Variants in POLR3H observed in about 807,000 individuals in gnomAD.
POLR3H encodes the protein DNA-directed RNA polymerase III subunit RPC8.
A neutral mutation model predicts 25.5 loss-of-function variants in POLR3H; 17 were observed. The ratio of observed to expected loss-of-function variants is 0.67; its 90% CI spans 0.46 to 1.00. POLR3H has a LOEUF of 1.00. Ranked by LOEUF, POLR3H falls within the 50% of genes least tolerant of loss-of-function variation. The pLI, the probability that POLR3H is intolerant of heterozygous loss-of-function variation, is 0.00. For missense variants in POLR3H, 274 were observed against 265.0 expected (o/e 1.03, Z -0.24); for synonymous variants, 129 against 103.0 (o/e 1.25, Z -1.53).
intron 2 of POLR3H, chr22:41,533,561 AG>A (rs1355393592): frequency 1.4e-5 from 18 of 1,273,736 alleles, no homozygotes; most frequent in Non-Finnish European, 1.7e-5. Context: ...TTCCTCAGAC[AG>A]GTTTAATCCC....
At position 41,526,679 on chromosome 22, in the gene POLR3H, T is replaced by A. The variant is rs947702102; in HGVS notation, c.*2604A>T. ...GGGTCCCTGCACCAGGAGGAGTTAG[T>A]GAGAGATATCTTAGGATATCTGGCC... On this transcript the variant is annotated 3_prime_UTR_variant, in exon 6 of 6. Coordinates refer to ENST00000355209, the MANE Select transcript of POLR3H (RefSeq NM_001018050.4). 1.4e-5 allele frequency: 7 copies of A among 502,114 alleles called. No individual in the cohort carries two copies. The highest frequency in any genetic ancestry group is 1.9e-5 in the African/African-American group (1 of 51,742). 31.1% of individuals were successfully genotyped at this position (502,114 alleles called of 1,614,324 possible).
Position 41,527,204 on chromosome 22 carries a change from T to G in POLR3H, c.*2079A>C. The G allele has an allele frequency of 6.3e-7, 1 of 1,597,334 alleles. No individual in the cohort carries two copies. Among genetic ancestry groups the G allele is most frequent in the Non-Finnish European group, 8.6e-7 (1 of 1,168,838 alleles). Reference sequence around the variant, plus strand: ...AGCCTCAGGATGCCCAGGCGCCAGGTGGGTGAGGCCAGGCAGGTAGGGCCA... The same window carrying G: ...AGCCTCAGGATGCCCAGGCGCCAGGGGGGTGAGGCCAGGCAGGTAGGGCCA... On this transcript the variant is annotated 3_prime_UTR_variant, in exon 6 of 6. Coordinates refer to ENST00000355209, the MANE Select transcript of POLR3H (RefSeq NM_001018050.4).
In POLR3H at chr22:41,528,987, T is replaced by A; in HGVS notation, c.*296A>T. ...GAATCCAAAACCAGTGACTGTTCTGTGAGTGATTGGTGTCTGTGCCGTTTG... is the reference window on the plus strand; with the variant it reads ...GAATCCAAAACCAGTGACTGTTCTGAGAGTGATTGGTGTCTGTGCCGTTTG... On this transcript the variant is annotated 3_prime_UTR_variant, in exon 6 of 6. Coordinates refer to ENST00000355209, the MANE Select transcript of POLR3H (RefSeq NM_001018050.4). 3.7e-6 allele frequency: 2 copies of A among 535,326 alleles called. No individual in the cohort carries two copies. Among genetic ancestry groups the A allele is most frequent in the Non-Finnish European group, 6.6e-6 (2 of 303,640 alleles). 33.2% of individuals were successfully genotyped at this position (535,326 alleles called of 1,614,324 possible).
Position 41,528,875 on chromosome 22 carries a change from C to T in POLR3H, c.*408G>A, listed in dbSNP as rs1209426279. 3 of 527,882 alleles carry T rather than the reference C, an allele frequency of 5.7e-6. No homozygotes were observed. Among genetic ancestry groups the T allele is most frequent in the Non-Finnish European group, 6.6e-6 (2 of 301,084 alleles). The allele number at this position is 527,882 out of a possible 1,614,324, so 32.7% of individuals were successfully genotyped here. A position where few individuals can be genotyped will look rare whatever the true frequency, so the allele number is the denominator to read the frequency against. ...ACTGTATTTATTTTTGATGACAAGA[C>T]TCCCATCTAAAGTTTTTCTCCTGCC... is the stretch of plus-strand genomic sequence containing the variant. On this transcript the variant is annotated 3_prime_UTR_variant, in exon 6 of 6. Coordinates refer to ENST00000355209, the MANE Select transcript of POLR3H (RefSeq NM_001018050.4).
intron 2 of POLR3H, among the ~76,000 whole-genome samples, chr22:41,535,522 A>G (rs2066826882): frequency 6.6e-6 from 1 of 152,258 alleles, no homozygotes. Context: ...ATGAGTCTAA[A>G]GGACCATCAA....
Position 41,527,461 on chromosome 22 carries a change from C to G in POLR3H, c.*1822G>C, listed in dbSNP as rs751129585. On this transcript the variant is annotated 3_prime_UTR_variant, in exon 6 of 6. Transcript: ENST00000355209. ...TACCCAGGCCATCCTCATCCCATCC[C>G]TAGTGATCAAGGTCACTCTCCCTGC... 13 of 1,573,702 alleles carry G rather than the reference C, an allele frequency of 8.3e-6. No homozygotes were observed. Among genetic ancestry groups the G allele is most frequent in the Non-Finnish European group, 1.1e-5 (13 of 1,160,510 alleles).
Position 41,527,651 on chromosome 22 carries a change from G to C in POLR3H, c.*1632C>G. ...TGTAGATCTGAGCCGCTGAGATCTA[G>C]GACATGTGCCAGGGGGTTCTTTCTG... is the stretch of plus-strand genomic sequence containing the variant. On this transcript the variant is annotated 3_prime_UTR_variant, in exon 6 of 6. Transcript: ENST00000355209. The C allele has an allele frequency of 1.3e-6, 1 of 791,420 alleles. No individual in the cohort carries two copies. The highest frequency in any genetic ancestry group is 1.8e-5 in the South Asian group (1 of 54,292). 49.0% of individuals were successfully genotyped at this position (791,420 alleles called of 1,614,324 possible). A position where few individuals can be genotyped will look rare whatever the true frequency, so the allele number is the denominator to read the frequency against.
chr22:41,543,923 G>T, intron 1 of POLR3H, 68 bp downstream of exon 1: 1 of 1,133,662 alleles, frequency 8.8e-7, no homozygotes, highest in Non-Finnish European at 1.3e-6. Context: ...CCGAGGCCGG[G>T]CCTGCGGCCA....
At position 41,532,794 on chromosome 22, in the gene POLR3H, G is replaced by A. The variant is rs55893214; in HGVS notation, c.209-49C>T. On this transcript the variant is annotated intron_variant, in intron 2 of 5. Transcript: ENST00000355209. ...GTGATGCTGACCGGGGCCCCAGTGC[G>A]CTCCCATGTCACCCTCAGGTGCCAG... The A allele has an allele frequency of 8.5e-3, 13,510 of 1,591,884 alleles. 73 individuals carry two copies. The highest frequency in any genetic ancestry group is 0.011 in the Admixed American group (662 of 58,670).
rs369454480 is a variant in POLR3H at position 41,544,429 on chromosome 22, A to G, written c.-328T>C. 659 of 85,128 alleles carry G rather than the reference A, an allele frequency of 7.7e-3. 4 individuals are homozygous for G. The highest frequency in any genetic ancestry group is 0.032 in the Admixed American group (173 of 5,482). The allele number at this position is 85,128 out of a possible 1,614,324, so 5.3% of individuals were successfully genotyped here. On this transcript the variant is annotated 5_prime_UTR_variant, in exon 1 of 6. Coordinates refer to ENST00000355209, the MANE Select transcript of POLR3H (RefSeq NM_001018050.4). ...CGTGCCGCCGCTCGTATCACGCACCACGCACCACGCACCGCGCACAGCCGC... is the reference window on the plus strand; with the variant it reads ...CGTGCCGCCGCTCGTATCACGCACCGCGCACCACGCACCGCGCACAGCCGC...
intron 5 of POLR3H, among the ~76,000 whole-genome samples, 157 bp downstream of exon 5, chr22:41,530,530 A>C (rs79351834): frequency 0.017 from 2,621 of 152,284 alleles, 64 homozygotes; most frequent in African/African-American, 0.06. Context: ...ACAGAAACTC[A>C]GGCTCTCCAG....
At chr22:41,540,549 C>T (rs1161188136) in intron 2 of POLR3H, 150 bp downstream of exon 2, 1 of 720,880 alleles carries the variant, frequency 1.4e-6, no homozygotes, top group East Asian at 2.7e-5. Flanking sequence ...TGCTATGTTG[C>T]CCAGGCTGGC....
chr22:41,533,440 G>A, intron 2 of POLR3H: 1 of 1,062,558 alleles, frequency 9.4e-7, no homozygotes, highest in Non-Finnish European at 1.2e-6. Context: ...CCCACCGTGA[G>A]GATAAGGCAG....
chr22:41,529,752 T>C, intron 5 of POLR3H: 1 of 448,770 alleles, frequency 2.2e-6, no homozygotes, highest in South Asian at 1.7e-5. Context: ...GAGCCCTACC[T>C]TTTTTTTGTT....
Position 41,525,893 on chromosome 22 carries a change from A to C in POLR3H, c.*3390T>G, listed in dbSNP as rs2066583730. ...AGGCACCCCTGTGACAGAAGAGACT[A>C]ATCAGTCATCAGCCAGGACCCAGGC... On this transcript the variant is annotated 3_prime_UTR_variant, in exon 6 of 6. Transcript: ENST00000355209. 4.5e-6 allele frequency: 1 copy of C among 222,466 alleles called. No individual in the cohort carries two copies. The highest frequency in any genetic ancestry group is 8.8e-6 in the Non-Finnish European group (1 of 113,244). The allele number at this position is 222,466 out of a possible 1,614,324, so 13.8% of individuals were successfully genotyped here.
chr22:41,532,311 T>G (rs1337994368), intron 3 of POLR3H, among the ~76,000 whole-genome samples, 154 bp from the exon 4 acceptor site: 1 of 151,690 alleles, frequency 6.6e-6, no homozygotes, highest in Non-Finnish European at 1.5e-5. Flanking sequence ...ACCTAATGCC[T>G]CTGCGTACAC....
intron 2 of POLR3H, among the ~76,000 whole-genome samples, chr22:41,535,581 C>T (rs1316971862): frequency 1.3e-5 from 2 of 152,238 alleles, no homozygotes; most frequent in Non-Finnish European, 2.9e-5. Flanking sequence ...AATCCCAGAA[C>T]TTTGGGAGGC....
chr22:41,530,655 A>T (rs2066709282), intron 5 of POLR3H, 32 bp downstream of exon 5: 1 of 1,587,052 alleles, frequency 6.3e-7, no homozygotes, highest in Admixed American at 1.7e-5. Context: ...CTCCCGCCTC[A>T]TGGGGGCTTC....
intron 2 of POLR3H, among the ~76,000 whole-genome samples, chr22:41,535,286 G>C (rs2066823237): frequency 6.6e-6 from 1 of 152,182 alleles, no homozygotes; most frequent in African/African-American, 2.4e-5. Flanking sequence ...AAAAGATAGT[G>C]GTGATGGTTG....
Sources: allele counts gnomAD v4.1 joint callset (sites outside exome capture counted in the v4.1 genomes callset), GRCh38; gene constraint gnomAD v4.1.1; transcripts MANE v1.5; gene names NCBI Gene and HGNC (gene_info 2026-07-23, HGNC 2026-07-21).